OR51D1: variants seen among roughly 807,000 people sequenced by gnomAD.
OR51D1 encodes the protein olfactory receptor 51D1.
For missense variants in OR51D1, 452 were observed against 396.2 expected, an observed-to-expected ratio of 1.14 and a Z score of -1.20; for synonymous variants, 187 against 161.1, an observed-to-expected ratio of 1.16 and a Z score of -1.22.
rs564467915 is a variant in OR51D1, at chr11:4,639,688, C to G, written c.-14-89C>G. 8.9e-5 allele frequency: 109 copies of G among 1,227,498 alleles called. No individual in the cohort carries two copies. The South Asian group carries it at 1.4e-3, about 16-fold the overall frequency. 76.0% of individuals were successfully genotyped at this position (1,227,498 alleles called of 1,614,324 possible). ...GACTTAGTCCTGTTTGTTACTGTCA[C>G]CACTCCAATGCCTTTTCCTCATTAG... On this transcript the variant is annotated intron_variant, in intron 1 of 1. Coordinates refer to ENST00000641817, the MANE Select transcript of OR51D1 (RefSeq NM_001004751.3).
In OR51D1 at chr11:4,640,309, C is replaced by T. The variant is rs1243493830; in HGVS notation, c.519C>T (p.Pro173=). Residue 173 remains proline, a synonymous_variant, in exon 2 of 2, where the codon CCC becomes CCT. Coordinates refer to ENST00000641817, the MANE Select transcript of OR51D1 (RefSeq NM_001004751.3). ...TRGFVFFFPL[P]FILKWLSYCQ... ...GGTTTGTATTCTTCTTCCCACTGCC[C>T]TTCATCCTCAAGTGGTTGTCCTACT... 8.7e-6 allele frequency: 14 copies of T among 1,614,038 alleles called. No homozygotes were observed. Among genetic ancestry groups the T allele is most frequent in the Non-Finnish European group, 1.2e-5 (14 of 1,180,032 alleles).
chr11:4,638,844 T>G lies in OR51D1; in HGVS notation c.-14-933T>G, dbSNP rs59519154. Among the ~76,000 whole-genome samples, 687 of 152,296 alleles carry G rather than the reference T, an allele frequency of 4.5e-3. 9 individuals carry two copies. The highest frequency in any genetic ancestry group is 0.016 in the African/African-American group (657 of 41,558). ...TCTCGCTGTGTCACCCAGGCTGGAA[T>G]GCAGTGGGGGTGATCTCGTCTCACT... On this transcript the variant is annotated intron_variant, in intron 1 of 1. Coordinates refer to ENST00000641817, the MANE Select transcript of OR51D1 (RefSeq NM_001004751.3).
intron 1 of OR51D1, among the ~76,000 whole-genome samples, chr11:4,638,703 A>G (rs1362208122): frequency 3.9e-5 from 6 of 152,202 alleles, no homozygotes; most frequent in Admixed American, 3.9e-4. Flanking sequence ...CCTGCCCCCA[A>G]GAACACCAGA....
intron 1 of OR51D1, among the ~76,000 whole-genome samples, chr11:4,639,196 T>G (rs1332790157): frequency 3.9e-5 from 6 of 152,230 alleles, no homozygotes; most frequent in Admixed American, 3.9e-4. Flanking sequence ...TTACTTTAGA[T>G]GTTTCTATCA....
Position 4,639,266 on chromosome 11 carries a change from A to G in OR51D1, c.-14-511A>G, listed in dbSNP as rs1354589401. Among the ~76,000 whole-genome samples, 3 of 152,220 alleles carry G rather than the reference A, an allele frequency of 2.0e-5. No homozygotes were observed. In the East Asian group the frequency reaches 5.8e-4, roughly 29 times the overall value. On this transcript the variant is annotated intron_variant, in intron 1 of 1. Coordinates refer to ENST00000641817, the MANE Select transcript of OR51D1 (RefSeq NM_001004751.3). ...CAAACCTCTCTTGAAATCTCATCCC[A>G]GACTGAGCCCCTGCTCCCTATCTTA...
rs11824787 is a variant in OR51D1 at position 4,639,042 on chromosome 11, C to T, written c.-14-735C>T. On this transcript the variant is annotated intron_variant, in intron 1 of 1. Coordinates refer to ENST00000641817, the MANE Select transcript of OR51D1 (RefSeq NM_001004751.3). ...CCCTGACCTTGCGATCTGCCCACCT[C>T]GGCCTCCCAAAGTGCTGGGATTACA... is the stretch of plus-strand genomic sequence containing the variant. Among the ~76,000 whole-genome samples the T allele has an allele frequency of 8.8e-3, 1,345 of 152,272 alleles. 29 individuals are homozygous for T. Among genetic ancestry groups the T allele is most frequent in the African/African-American group, 0.032 (1,309 of 41,534 alleles).
In OR51D1 at chr11:4,641,762, T is replaced by C. The variant is rs1009970183; in HGVS notation, c.*997T>C. On this transcript the variant is annotated 3_prime_UTR_variant, in exon 2 of 2. Coordinates refer to ENST00000641817, the MANE Select transcript of OR51D1 (RefSeq NM_001004751.3). ...ATCTTTCAGCGTGTTTGGGTGTATG[T>C]CCACTGTGCATAATATTTGAGATGT... 6.6e-6 allele frequency: 1 copy of C among 152,616 alleles called. No individual in the cohort carries two copies. Among genetic ancestry groups the C allele is most frequent in the Non-Finnish European group, 1.5e-5 (1 of 68,068 alleles). The allele number at this position is 152,616 out of a possible 1,614,324, so 9.5% of individuals were successfully genotyped here. A position where few individuals can be genotyped will look rare whatever the true frequency, so the allele number is the denominator to read the frequency against.
At position 4,639,941 on chromosome 11, in the gene OR51D1, G is replaced by A; in HGVS notation, c.151G>A (p.Ala51Thr). Residue 51 changes from alanine to threonine, a missense_variant, in exon 2 of 2, where the codon GCC becomes ACC. Ala to Thr is a moderately conservative substitution (Grantham distance 58). Transcript: ENST00000641817. ...AFPLCFMYAL[A>T]TLGNLTIVLI... is the part of the protein sequence containing the mutation. ...CCCACTGTGTTTTATGTATGCCTTG[G>A]CCACCCTGGGTAACCTGACCATTGT... The A allele has an allele frequency of 6.2e-7, 1 of 1,614,128 alleles. No individual in the cohort carries two copies. The highest frequency in any genetic ancestry group is 8.5e-7 in the Non-Finnish European group (1 of 1,180,026).
Position 4,640,319 on chromosome 11 carries a change from A to G in OR51D1, c.529A>G (p.Lys177Glu), listed in dbSNP as rs779368333. ...CTTCTTCCCACTGCCCTTCATCCTC[A>G]AGTGGTTGTCCTACTGCCAAACACA... ...VFFFPLPFIL[K>E]WLSYCQTHTV... Residue 177 changes from lysine to glutamate, a missense_variant, in exon 2 of 2, where the codon AAG (lysine) becomes GAG (glutamate). Physicochemically the swap from Lys to Glu is moderately conservative, Grantham distance 56 (BLOSUM62 1). Transcript: ENST00000641817. The G allele has an allele frequency of 6.2e-7, 1 of 1,614,080 alleles. No homozygotes were observed. Among genetic ancestry groups the G allele is most frequent in the South Asian group, 1.1e-5 (1 of 91,078 alleles).
Position 4,640,606 on chromosome 11 carries a change from G to A in OR51D1, c.816G>A (p.Ser272=), listed in dbSNP as rs372591034. The change falls in exon 2 of 2, where the codon TCG becomes TCA. Residue 272 remains serine (S), a synonymous_variant. Transcript: ENST00000641817. The stretch of plus-strand genomic sequence containing the variant: ...TCTATGTACCCCTCATTGGGCTCTC[G>A]GTGGTGCATAGGCTGGGTGGTCCCA... ...LVFYVPLIGL[S]VVHRLGGPTS... 7 of 1,613,116 alleles carry A rather than the reference G, an allele frequency of 4.3e-6. No individual in the cohort carries two copies. Among genetic ancestry groups the A allele is most frequent in the Admixed American group, 3.3e-5 (2 of 59,962 alleles).
In OR51D1 at chr11:4,640,873, C is replaced by A; in HGVS notation, c.*108C>A. ...TCAAACCTATTGTGCTGTCTTCTTC[C>A]AGCAATTTAAGTAGATCATGTATTC... On this transcript the variant is annotated 3_prime_UTR_variant, in exon 2 of 2. Transcript: ENST00000641817. The A allele has an allele frequency of 9.6e-7, 1 of 1,045,756 alleles. No individual in the cohort carries two copies. The highest frequency in any genetic ancestry group is 2.4e-5 in the East Asian group (1 of 41,234). 64.8% of individuals were successfully genotyped at this position (1,045,756 alleles called of 1,614,324 possible). A position where few individuals can be genotyped will look rare whatever the true frequency, so the allele number is the denominator to read the frequency against.
rs1337318617 is a variant in OR51D1 at position 4,641,354 on chromosome 11, G to A, written c.*589G>A. 1 of 154,052 alleles carries A rather than the reference G, an allele frequency of 6.5e-6. No individual in the cohort carries two copies. Among genetic ancestry groups the A allele is most frequent in the East Asian group, 1.9e-4 (1 of 5,206 alleles). The allele number at this position is 154,052 out of a possible 1,614,324, so 9.5% of individuals were successfully genotyped here. A position where few individuals can be genotyped will look rare whatever the true frequency, so the allele number is the denominator to read the frequency against. On this transcript the variant is annotated 3_prime_UTR_variant, in exon 2 of 2. Transcript: ENST00000641817. ...TATATGACTATTTGTCCATAAGGGT[G>A]CCATGTATTCTGGTTGTGGGTGTGA...
rs1186489632 is a variant in OR51D1 at position 4,640,516 on chromosome 11, C to T, written c.726C>T (p.Ser242=). 2 of 1,613,898 alleles carry T rather than the reference C, an allele frequency of 1.2e-6. No individual in the cohort carries two copies. Among genetic ancestry groups the T allele is most frequent in the Non-Finnish European group, 1.7e-6 (2 of 1,180,016 alleles). ...ILILWAVLEL[S]SRRAALKAFN... is the part of the protein sequence containing the mutation. The stretch of plus-strand genomic sequence containing the variant: ...TCCTGTGGGCTGTTTTGGAGCTGTC[C>T]TCTCGGAGGGCAGCACTCAAGGCTT... Residue 242 remains serine, a synonymous_variant, in exon 2 of 2, where the codon TCC becomes TCT. Transcript: ENST00000641817.
chr11:4,639,936 C>T lies in OR51D1; in HGVS notation c.146C>T (p.Ala49Val), dbSNP rs1435605385. 6.2e-7 allele frequency: 1 copy of T among 1,614,176 alleles called. No individual in the cohort carries two copies. The highest frequency in any genetic ancestry group is 8.5e-7 in the Non-Finnish European group (1 of 1,180,034). The change falls in exon 2 of 2, where the codon GCC (alanine) becomes GTC (valine). Residue 49 changes from alanine (A) to valine (V), a missense_variant. Coordinates refer to ENST00000641817, the MANE Select transcript of OR51D1 (RefSeq NM_001004751.3). ...GCTTTCCCACTGTGTTTTATGTATG[C>T]CTTGGCCACCCTGGGTAACCTGACC... ...WLAFPLCFMY[A>V]LATLGNLTIV... is the part of the protein sequence containing the mutation.
At position 4,640,411 on chromosome 11, in the gene OR51D1, C is replaced by T. The variant is rs1846951350; in HGVS notation, c.621C>T (p.Val207=). 1 of 1,614,220 alleles carries T rather than the reference C, an allele frequency of 6.2e-7. No individual in the cohort carries two copies. The change falls in exon 2 of 2, where the codon GTC becomes GTT. Residue 207 remains valine, a synonymous_variant. Coordinates refer to ENST00000641817, the MANE Select transcript of OR51D1 (RefSeq NM_001004751.3). ...AGCTGTCCTGTACTGACACCAGGGT[C>T]AATGTGGTTTATGGACTCTTCATCA... is the stretch of plus-strand genomic sequence containing the variant. ...IMKLSCTDTR[V]NVVYGLFIIL... is the part of the protein sequence containing the mutation.
intron 1 of OR51D1, 52 bp downstream of exon 1, chr11:4,637,805 G>GTGTGTA: frequency 6.5e-6 from 1 of 153,020 alleles, no homozygotes; most frequent in South Asian, 2.1e-4. Flanking sequence ...GTGTACGTGT[G>GTGTGTA]TGTGTATGTG....
At position 4,640,344 on chromosome 11, in the gene OR51D1, A is replaced by G. The variant is rs759656555; in HGVS notation, c.554A>G (p.His185Arg). The change falls in exon 2 of 2, where the codon CAT (histidine) becomes CGT (arginine). Residue 185 changes from histidine to arginine, a missense_variant. Physicochemically the swap from His to Arg is conservative, Grantham distance 29. Transcript: ENST00000641817. ...AAGTGGTTGTCCTACTGCCAAACACATACTGTCACACACTCCTTCTGTCTG... is the reference window on the plus strand; with the variant it reads ...AAGTGGTTGTCCTACTGCCAAACACGTACTGTCACACACTCCTTCTGTCTG... ...ILKWLSYCQT[H>R]TVTHSFCLHQ... The G allele has an allele frequency of 2.5e-6, 4 of 1,614,230 alleles. No homozygotes were observed. The highest frequency in any genetic ancestry group is 4.5e-5 in the East Asian group (2 of 44,888).
In OR51D1 at chr11:4,640,764, G is replaced by T; in HGVS notation, c.974G>T (p.Ter325LeuextTer17). 1 of 1,607,138 alleles carries T rather than the reference G, an allele frequency of 6.2e-7. No individual in the cohort carries two copies. The highest frequency in any genetic ancestry group is 1.1e-5 in the South Asian group (1 of 90,284). ...TGTATGTTCTCACAAGGTGGCAAGTGAGACACCTTAGTGTCTCGCTTCTAC... is the reference window on the plus strand; with the variant it reads ...TGTATGTTCTCACAAGGTGGCAAGTTAGACACCTTAGTGTCTCGCTTCTAC... ...VLCMFSQGGK[*>L] is the part of the protein sequence containing the mutation. Residue 325 changes from the stop codon to leucine (L), a stop_lost, in exon 2 of 2, where the codon TGA becomes TTA. Transcript: ENST00000641817.
In OR51D1 at chr11:4,640,793, T is replaced by C. The variant is rs1188848547; in HGVS notation, c.*28T>C. ...CACCTTAGTGTCTCGCTTCTACTAC[T>C]ACTACAGAAGATGGGAATATTAGGA... On this transcript the variant is annotated 3_prime_UTR_variant, in exon 2 of 2. Coordinates refer to ENST00000641817, the MANE Select transcript of OR51D1 (RefSeq NM_001004751.3). 2 of 1,574,720 alleles carry C rather than the reference T, an allele frequency of 1.3e-6. No individual in the cohort carries two copies. The highest frequency in any genetic ancestry group is 2.7e-5 in the African/African-American group (2 of 73,588).
Sources: allele counts gnomAD v4.1 joint callset (sites outside exome capture counted in the v4.1 genomes callset), GRCh38; gene constraint gnomAD v4.1.1; transcripts MANE v1.5; gene names NCBI Gene and HGNC (gene_info 2026-07-23, HGNC 2026-07-21).